Variants in TNRC6B observed in about 807,000 individuals in gnomAD.
TNRC6B encodes trinucleotide repeat-containing gene 6B protein.
Under a neutral mutation model 203.6 loss-of-function variants are expected in TNRC6B, and 52 were observed. The ratio of observed to expected loss-of-function variants is 0.26; its 90% CI spans 0.20 to 0.32. The LOEUF is 0.32. Ranked by LOEUF, TNRC6B falls within the 10% of genes least tolerant of loss-of-function variation. The pLI is 1.00. For missense variants in TNRC6B, 1,923 were observed against 2,286.2 expected, an observed-to-expected ratio of 0.84 and a Z score of 3.24; for synonymous variants, 838 against 845.7, an observed-to-expected ratio of 0.99 and a Z score of 0.16.
At chr22:40,073,943 C>T (rs1293938634) in intron 1 of TNRC6B, among the ~76,000 whole-genome samples, 2 of 151,772 alleles carry the variant, frequency 1.3e-5, no homozygotes, top group African/African-American at 2.4e-5. Flanking sequence ...GTGGCGTGTG[C>T]CTGTAGTCCC....
chr22:40,053,997 T>A (rs1042605913), intron 1 of TNRC6B, among the ~76,000 whole-genome samples: 1 of 152,096 alleles, frequency 6.6e-6, no homozygotes, highest in Non-Finnish European at 1.5e-5. Context: ...TGGGTGAATA[T>A]CTTGAGCTCA....
Position 40,253,069 on chromosome 22 carries a change from C to G in TNRC6B, c.115+1869C>G, listed in dbSNP as rs2070216667. Among the ~76,000 whole-genome samples, 3 of 151,490 alleles carry G rather than the reference C, an allele frequency of 2.0e-5. No individual in the cohort carries two copies. The South Asian group carries it at 6.3e-4, about 32-fold the overall frequency. ...TAAGTGGTGTTGGGAAACAGAAAAT[C>G]TGTTAGGCATCTTTTCTTTTTTTTC... On this transcript the variant is annotated intron_variant, in intron 3 of 22. Coordinates refer to ENST00000454349, the MANE Select transcript of TNRC6B (RefSeq NM_001162501.2).
intron 1 of TNRC6B, among the ~76,000 whole-genome samples, chr22:40,185,159 T>G (rs1229659333): frequency 6.6e-6 from 1 of 152,050 alleles, no homozygotes. Flanking sequence ...GCCAGCTAAT[T>G]TTTGTATTTT....
intron 1 of TNRC6B, among the ~76,000 whole-genome samples, chr22:40,082,447 T>C (rs988420966): frequency 5.3e-5 from 8 of 152,074 alleles, no homozygotes; most frequent in African/African-American, 1.9e-4. Flanking sequence ...GGGGCTGTAT[T>C]AGAGTGAGGA....
chr22:40,268,696 G>A (rs2070514427), intron 5 of TNRC6B, among the ~76,000 whole-genome samples: 1 of 152,012 alleles, frequency 6.6e-6, no homozygotes, highest in Non-Finnish European at 1.5e-5. Context: ...CAGATCATGA[G>A]GTCAGGAGAT....
At chr22:40,174,159 T>C (rs1285114985), upstream of TNRC6B, among the ~76,000 whole-genome samples, 2 of 151,826 alleles carry the variant, frequency 1.3e-5, no homozygotes, top group African/African-American at 4.8e-5. Flanking sequence ...GTTTTCTTCT[T>C]TTTCTTTTTC....
Position 40,091,360 on chromosome 22 carries a change from T to C in TNRC6B, c.-120-25695T>C, listed in dbSNP as rs572924755. 5.3e-5 allele frequency among the ~76,000 whole-genome samples: 8 copies of C among 152,246 alleles called. No homozygotes were observed. In the East Asian group the frequency reaches 1.3e-3, roughly 26 times the overall value. ...TGGCTTCTAGAGCTATATAGTAATT[T>C]ATAAGAATTACAGAGGACAGAGCAG... On this transcript the variant is annotated intron_variant, in intron 1 of 23. Coordinates refer to the TNRC6B transcript ENST00000301923.
rs2044012760 is a variant in TNRC6B at position 40,334,465 on chromosome 22, G to C, written c.*11224G>C. 6.6e-6 allele frequency: 1 copy of C among 152,522 alleles called. No individual in the cohort carries two copies. The highest frequency in any genetic ancestry group is 2.4e-5 in the African/African-American group (1 of 41,394). The allele number at this position is 152,522 out of a possible 1,614,324, so 9.4% of individuals were successfully genotyped here. On this transcript the variant is annotated 3_prime_UTR_variant, in exon 23 of 23. Coordinates refer to ENST00000454349, the MANE Select transcript of TNRC6B (RefSeq NM_001162501.2). ...TCCCACTCCTAACTCTCCACTATGT[G>C]CTTATAACTTCACATTCTATGCCCT...
chr22:40,308,548 G>A lies in TNRC6B; in HGVS notation c.4157G>A (p.Gly1386Asp), dbSNP rs1812686133. ...GGCGGCATGGACTATGGCATGGTTG[G>A]TGGGAAGGAGGCTGGAACCGAGTCT... ...SSGGMDYGMV[G>D]GKEAGTESRF... The change falls in exon 16 of 23, where the codon GGT (glycine) becomes GAT (aspartate). Residue 1386 changes from glycine (G) to aspartate (D), a missense_variant. By Grantham distance (94) the Gly-to-Asp change is moderately conservative (BLOSUM62 -1). This residue lies in a region of TNRC6B where 242 missense variants were observed against 399.5 expected (regional missense o/e 0.61). Transcript: ENST00000454349. 1.2e-6 allele frequency: 2 copies of A among 1,613,966 alleles called. No homozygotes were observed. The highest frequency in any genetic ancestry group is 1.7e-6 in the Non-Finnish European group (2 of 1,179,886).
In TNRC6B at chr22:40,325,008, C is replaced by A. The variant is rs978397501; in HGVS notation, c.*1767C>A. The stretch of plus-strand genomic sequence containing the variant: ...TTATTGTGAAGAGAATTATAGCAGA[C>A]CTGAAGGGGGCGAAAAACCAGATAG... On this transcript the variant is annotated 3_prime_UTR_variant, in exon 23 of 23. Transcript: ENST00000454349. The A allele has an allele frequency of 6.6e-6, 1 of 152,444 alleles. No individual in the cohort carries two copies. The allele number at this position is 152,444 out of a possible 1,614,324, so 9.4% of individuals were successfully genotyped here. A position where few individuals can be genotyped will look rare whatever the true frequency, so the allele number is the denominator to read the frequency against.
At chr22:40,206,805 C>T (rs532673300) in intron 1 of TNRC6B, among the ~76,000 whole-genome samples, 5 of 152,188 alleles carry the variant, frequency 3.3e-5, no homozygotes, top group Admixed American at 6.5e-5. Context: ...TAGGGAGAGG[C>T]GACAGGTGAC....
intron 2 of TNRC6B, among the ~76,000 whole-genome samples, chr22:40,247,185 G>A (rs2070119142): frequency 6.6e-6 from 1 of 152,122 alleles, no homozygotes; most frequent in African/African-American, 2.4e-5. Flanking sequence ...TTGGAGGTAA[G>A]GTGATTTTCT....
chr22:40,113,818 G>T (rs529270048), intron 1 of TNRC6B, among the ~76,000 whole-genome samples: 2 of 152,150 alleles, frequency 1.3e-5, no homozygotes, highest in Non-Finnish European at 2.9e-5. Context: ...AGACCTTCCA[G>T]GCCTCCTTGC....
At chr22:40,227,420 C>T (rs555814222) in intron 1 of TNRC6B, among the ~76,000 whole-genome samples, 1 of 125,586 alleles carries the variant, frequency 8.0e-6, no homozygotes, top group African/African-American at 3.0e-5. Context: ...GGCTGGAGTG[C>T]AGTGGTGCCA....
chr22:40,129,718 TTG>T (rs2068524665), intron 3 of TNRC6B, among the ~76,000 whole-genome samples: 1 of 152,150 alleles, frequency 6.6e-6, no homozygotes, highest in Non-Finnish European at 1.5e-5. Context: ...AGGGGTGCAA[TTG>T]TTTATAATTA....
At chr22:40,173,806 T>A (rs1379460159), upstream of TNRC6B, among the ~76,000 whole-genome samples, 17 of 120,234 alleles carry the variant, frequency 1.4e-4, no homozygotes, top group African/African-American at 3.8e-4. Flanking sequence ...TTTTTTTTTT[T>A]TTTTTTTTTT....
chr22:40,058,207 G>A (rs1773867281), intron 1 of TNRC6B, among the ~76,000 whole-genome samples: 2 of 151,950 alleles, frequency 1.3e-5, no homozygotes, highest in Non-Finnish European at 1.5e-5. Context: ...GGCTCAGAGG[G>A]GAAAATACTA....
intron 1 of TNRC6B, among the ~76,000 whole-genome samples, chr22:40,238,093 G>T (rs1394296595): frequency 6.6e-6 from 1 of 152,166 alleles, no homozygotes; most frequent in Non-Finnish European, 1.5e-5. Flanking sequence ...ACTCTTTAAT[G>T]ATGCATTTTG....
intron 14 of TNRC6B, 72 bp from the exon 15 acceptor site, chr22:40,301,078 G>A: frequency 6.4e-7 from 1 of 1,566,162 alleles, no homozygotes; most frequent in Non-Finnish European, 8.7e-7. Context: ...TGATGGCAAA[G>A]AACCGGGCAC....
Sources: gnomAD v4.1 joint callset for allele counts (sites outside exome capture counted in the v4.1 genomes callset) on GRCh38, gnomAD v4.1.1 for gene constraint, gnomAD v4.1.1 regional missense constraint, MANE v1.5 for transcripts, NCBI Gene and HGNC (gene_info 2026-07-23, HGNC 2026-07-21) for gene names.